Variants in GRAMD1B observed in about 807,000 individuals in gnomAD.
GRAMD1B encodes the protein GRAM domain containing 1B, also known as protein Aster-B.
A neutral mutation model predicts 99.7 loss-of-function variants in GRAMD1B; 37 were observed. The ratio of observed to expected loss-of-function variants is 0.37; its 90% CI spans 0.29 to 0.49. The LOEUF (loss-of-function observed/expected upper bound fraction) is 0.49, where lower values mean the gene tolerates loss of function less well. GRAMD1B is among the 20% of genes least tolerant of loss of function. The pLI, the probability that GRAMD1B is intolerant of heterozygous loss-of-function variation, is 0.98. For missense variants in GRAMD1B, 888 were observed against 1,009.2 expected (o/e 0.88, Z 1.63); for synonymous variants, 427 against 387.6 (o/e 1.10, Z -1.19).
At chr11:123,387,323 G>A (rs1033427326) in intron 1 of GRAMD1B, among the ~76,000 whole-genome samples, 2 of 152,128 alleles carry the variant, frequency 1.3e-5, no homozygotes, top group Non-Finnish European at 2.9e-5. Flanking sequence ...GCTCGCAGTG[G>A]ATGCCACGCA....
At chr11:123,387,446 C>T (rs1039497392) in intron 1 of GRAMD1B, among the ~76,000 whole-genome samples, 1 of 152,096 alleles carries the variant, frequency 6.6e-6, no homozygotes, top group Non-Finnish European at 1.5e-5. Flanking sequence ...AAACAAAACT[C>T]CCCAAAGTCA....
Position 123,598,205 on chromosome 11 carries a change from G to A in GRAMD1B, c.969+2168G>A, listed in dbSNP as rs536787628. On this transcript the variant is annotated intron_variant, in intron 7 of 19. Coordinates refer to ENST00000635736, the MANE Select transcript of GRAMD1B (RefSeq NM_001387025.1). Reference sequence around the variant, plus strand: ...TGCCGCTGGAAGGCTTTGGGTCCTCGGTAGGTGTAGTTTCCACAGATCTCA... The same window carrying A: ...TGCCGCTGGAAGGCTTTGGGTCCTCAGTAGGTGTAGTTTCCACAGATCTCA... 6.5e-5 allele frequency: 93 copies of A among 1,426,802 alleles called. 1 individual carries two copies. In the Middle Eastern group the frequency reaches 9.7e-4, roughly 15 times the overall value. 88.4% of individuals were successfully genotyped at this position (1,426,802 alleles called of 1,614,324 possible). A position where few individuals can be genotyped will look rare whatever the true frequency, so the allele number is the denominator to read the frequency against.
At chr11:123,599,692 C>A (rs1242560667) in intron 7 of GRAMD1B, among the ~76,000 whole-genome samples, 8 of 152,210 alleles carry the variant, frequency 5.3e-5, no homozygotes, top group Non-Finnish European at 1.5e-5. Flanking sequence ...AGGCTGATCT[C>A]GAACTCCTGA....
chr11:123,553,617 G>A (rs778416746), intron 2 of GRAMD1B, among the ~76,000 whole-genome samples: 2 of 152,186 alleles, frequency 1.3e-5, no homozygotes, highest in African/African-American at 2.4e-5. Context: ...TGAGAGAGAT[G>A]CAGGATTAAT....
intron 2 of GRAMD1B, among the ~76,000 whole-genome samples, chr11:123,504,202 A>G (rs956561033): frequency 3.9e-5 from 6 of 152,200 alleles, no homozygotes; most frequent in Non-Finnish European, 8.8e-5. Flanking sequence ...ATTCAGGCAT[A>G]GAACAGCACT....
intron 2 of GRAMD1B, among the ~76,000 whole-genome samples, chr11:123,505,440 T>C (rs1940326891): frequency 1.3e-5 from 2 of 152,134 alleles, no homozygotes; most frequent in Non-Finnish European, 2.9e-5. Context: ...TGCTCTGGGG[T>C]AAGAGGTCAC....
chr11:123,540,250 T>G (rs913745260), intron 2 of GRAMD1B, among the ~76,000 whole-genome samples: 3 of 151,898 alleles, frequency 2.0e-5, no homozygotes, highest in Admixed American at 6.6e-5. Context: ...GTTTTTTTTT[T>G]TGTATTTTTT....
chr11:123,409,679 C>T (rs192692923), intron 1 of GRAMD1B, among the ~76,000 whole-genome samples: 42 of 152,274 alleles, frequency 2.8e-4, no homozygotes, highest in African/African-American at 9.1e-4. Context: ...TGAAACTCTG[C>T]GACTTCTGCC....
intron 2 of GRAMD1B, among the ~76,000 whole-genome samples, chr11:123,559,077 A>C (rs1591994756): frequency 1.3e-5 from 2 of 152,374 alleles, no homozygotes; most frequent in South Asian, 4.1e-4. Context: ...ATGAGAATGC[A>C]TAAGCCAAAC....
At chr11:123,360,058 C>T (rs1357567438) in intron 1 of GRAMD1B, among the ~76,000 whole-genome samples, 1 of 152,176 alleles carries the variant, frequency 6.6e-6, no homozygotes, top group East Asian at 1.9e-4. Context: ...CTACACACTA[C>T]CCCAAGGTCC....
chr11:123,385,380 C>G (rs1947021320), intron 1 of GRAMD1B, among the ~76,000 whole-genome samples: 1 of 152,204 alleles, frequency 6.6e-6, no homozygotes, highest in African/African-American at 2.4e-5. Context: ...ATTCTCCTCA[C>G]TCCTCTCAAA....
At chr11:123,522,806 C>T (rs1942326254) in intron 2 of GRAMD1B, among the ~76,000 whole-genome samples, 2 of 152,194 alleles carry the variant, frequency 1.3e-5, no homozygotes, top group Non-Finnish European at 1.5e-5. Context: ...AGCCAGCCAA[C>T]TCATCAGTAA....
chr11:123,404,313 A>G (rs1947779740), intron 1 of GRAMD1B, among the ~76,000 whole-genome samples: 1 of 152,102 alleles, frequency 6.6e-6, no homozygotes, highest in Non-Finnish European at 1.5e-5. Context: ...TTTCTTTTTT[A>G]TTAATTTGTG....
At chr11:123,390,138 TA>T (rs11462388) in intron 1 of GRAMD1B, among the ~76,000 whole-genome samples, 279 of 142,604 alleles carry the variant, frequency 2.0e-3, no homozygotes, top group Middle Eastern at 3.5e-3. Flanking sequence ...ATCAATTCAT[TA>T]AAAAAAAAAA....
intron 2 of GRAMD1B, among the ~76,000 whole-genome samples, chr11:123,519,752 C>T (rs2135413305): frequency 6.6e-6 from 1 of 152,358 alleles, no homozygotes; most frequent in East Asian, 1.9e-4. Flanking sequence ...TTCAGGGATC[C>T]TGTCGTTTAT....
At chr11:123,386,564 A>C (rs1591400230) in intron 1 of GRAMD1B, among the ~76,000 whole-genome samples, 1 of 151,724 alleles carries the variant, frequency 6.6e-6, no homozygotes, top group East Asian at 1.9e-4. Flanking sequence ...TACCCTTCCA[A>C]GTAGCTGGGA....
intron 11 of GRAMD1B, chr11:123,607,823 G>C (rs867314121): frequency 2.7e-5 from 4 of 150,120 alleles, no homozygotes; most frequent in Admixed American, 6.7e-5. Context: ...CCAAGGGTTC[G>C]GGGGGGAGCA....
Position 123,610,060 on chromosome 11 carries a change from G to T in GRAMD1B, c.1777-136G>T. 2 of 890,868 alleles carry T rather than the reference G, an allele frequency of 2.2e-6. No homozygotes were observed. Among genetic ancestry groups the T allele is most frequent in the Middle Eastern group, 2.7e-4 (1 of 3,696 alleles). 55.2% of individuals were successfully genotyped at this position (890,868 alleles called of 1,614,324 possible). A position where few individuals can be genotyped will look rare whatever the true frequency, so the allele number is the denominator to read the frequency against. ...GTGGTGGCGTCTTGCTTGTTTAGTT[G>T]CTGCTGATTCCAGTGATCCTGGTTC... On this transcript the variant is annotated intron_variant, in intron 13 of 19. Coordinates refer to ENST00000635736, the MANE Select transcript of GRAMD1B (RefSeq NM_001387025.1). This position sits in a 1 kb window ranked among gnomAD's most constrained non-coding sequence, Gnocchi z 4.1.
intron 2 of GRAMD1B, among the ~76,000 whole-genome samples, chr11:123,532,263 G>A (rs1268713370): frequency 6.6e-6 from 1 of 152,212 alleles, no homozygotes; most frequent in East Asian, 1.9e-4. Context: ...GCAGTAGAAT[G>A]TCATGGCCCT....
Sources: gnomAD v4.1 joint callset for allele counts (sites outside exome capture counted in the v4.1 genomes callset) on GRCh38, gnomAD v4.1.1 for gene constraint, Gnocchi (gnomAD v3.1) non-coding constraint, MANE v1.5 for transcripts, NCBI Gene and HGNC (gene_info 2026-07-23, HGNC 2026-07-21) for gene names.